DIAPH2: variants seen among roughly 807,000 people sequenced by gnomAD.
The protein encoded by DIAPH2 is protein diaphanous homolog 2.
In DIAPH2, 35 loss-of-function variants were observed where a neutral mutation model predicts 92.7. The observed-to-expected ratio is 0.38, with a 90% confidence interval of 0.29 to 0.50. DIAPH2 has a LOEUF of 0.50. Ranked by LOEUF, DIAPH2 falls within the 20% of genes least tolerant of loss-of-function variation. The pLI, the probability that DIAPH2 is intolerant of heterozygous loss-of-function variation, is 0.94. For missense variants in DIAPH2, 701 were observed against 819.5 expected, an observed-to-expected ratio of 0.86 and a Z score of 1.77; for synonymous variants, 301 against 280.4, an observed-to-expected ratio of 1.07 and a Z score of -0.73.
intron 5 of DIAPH2, among the ~76,000 whole-genome samples, chrX:96,883,432 G>A (rs901806941): frequency 9.3e-6 from 1 of 107,542 alleles, no homozygotes; most frequent in East Asian, 2.9e-4. Context: ...CGAGGCTGGA[G>A]TGCAGTGGTG....
intron 3 of DIAPH2, among the ~76,000 whole-genome samples, chrX:96,740,593 T>C (rs912459434): frequency 1.4e-4 from 16 of 112,059 alleles, no homozygotes; most frequent in African/African-American, 4.9e-4. Flanking sequence ...CATTCACTTC[T>C]AATTTCTTGC....
At chrX:96,716,108 A>C (rs2063948749) in intron 1 of DIAPH2, among the ~76,000 whole-genome samples, 1 of 111,249 alleles carries the variant, frequency 9.0e-6, no homozygotes, top group Non-Finnish European at 1.9e-5. Flanking sequence ...TTAATATAAT[A>C]AGTGCACAAC....
chrX:96,748,326 G>A (rs758478478), intron 3 of DIAPH2, among the ~76,000 whole-genome samples: 12 of 111,729 alleles, frequency 1.1e-4, no homozygotes, highest in South Asian at 3.8e-4. Context: ...TACCCTCAGA[G>A]AGCTCAGTGT....
intron 22 of DIAPH2, among the ~76,000 whole-genome samples, chrX:97,169,116 AT>A (rs1188145562): frequency 2.7e-5 from 2 of 75,419 alleles, no homozygotes; most frequent in African/African-American, 8.3e-5. Flanking sequence ...ATTATGTAGA[AT>A]AATAACGTCA....
rs957567769 is a variant in DIAPH2 at position 96,885,661 on chromosome X, T to C, written c.587+3943T>C. ...TGTGATTTGCTCTTATTACTATGAA[T>C]TTATGTTTTCTTAAAATAAGATTAT... On this transcript the variant is annotated intron_variant, in intron 5 of 26. Transcript: ENST00000324765. Among the ~76,000 whole-genome samples the C allele has an allele frequency of 3.6e-5, 4 of 110,865 alleles. No individual in the cohort carries two copies. In the Admixed American group the frequency reaches 3.9e-4, roughly 11 times the overall value.
intron 10 of DIAPH2, among the ~76,000 whole-genome samples, chrX:96,934,865 G>A (rs1303061385): frequency 9.0e-6 from 1 of 110,986 alleles, no homozygotes; most frequent in African/African-American, 3.3e-5. Context: ...TCAGATAAGC[G>A]AAGGAAAAAC....
In DIAPH2 at chrX:97,173,736, T is replaced by C. The variant is rs773070941; in HGVS notation, c.2719+31942T>C. On this transcript the variant is annotated intron_variant, in intron 22 of 26. Coordinates refer to ENST00000324765, the MANE Select transcript of DIAPH2 (RefSeq NM_006729.5). ...GCCTAGGCAACATGGCGAAATGCCA[T>C]ATCTACAGAAAAAATACAAAAATTA... is the stretch of plus-strand genomic sequence containing the variant. 1.3e-3 allele frequency among the ~76,000 whole-genome samples: 146 copies of C among 110,523 alleles called. 2 individuals are homozygous for C. Among genetic ancestry groups the C allele is most frequent in the Non-Finnish European group, 3.2e-4 (17 of 52,936 alleles).
chrX:97,253,470 G>A (rs886498824), intron 23 of DIAPH2, among the ~76,000 whole-genome samples: 12 of 110,200 alleles, frequency 1.1e-4, no homozygotes, highest in South Asian at 3.9e-4. Flanking sequence ...GTAGTAGGCC[G>A]GGCACAGTGG....
chrX:97,546,344 T>G (rs917759314), intron 26 of DIAPH2, among the ~76,000 whole-genome samples: 1 of 111,929 alleles, frequency 8.9e-6, no homozygotes, highest in African/African-American at 3.2e-5. Flanking sequence ...GCTACTCATG[T>G]CTTAGATTTA....
chrX:97,063,525 A>C (rs1051128800), intron 17 of DIAPH2, among the ~76,000 whole-genome samples: 8 of 111,977 alleles, frequency 7.1e-5, no homozygotes, highest in African/African-American at 2.6e-4. Context: ...ATTTTACATG[A>C]AAACGTATGT....
At chrX:97,588,092 A>C (rs1393191374) in intron 26 of DIAPH2, among the ~76,000 whole-genome samples, 7 of 112,070 alleles carry the variant, frequency 6.2e-5, no homozygotes. Context: ...TCAGAAGATT[A>C]GTATGGGCCA....
intron 17 of DIAPH2, among the ~76,000 whole-genome samples, chrX:97,037,593 T>A (rs1474026398): frequency 5.4e-5 from 6 of 112,057 alleles, no homozygotes; most frequent in African/African-American, 1.3e-4. Context: ...GTCCCAGCTT[T>A]GAACAAGTCA....
intron 25 of DIAPH2, among the ~76,000 whole-genome samples, chrX:97,403,535 C>G (rs904450675): frequency 8.9e-6 from 1 of 112,205 alleles, no homozygotes; most frequent in Admixed American, 9.5e-5. Context: ...TTTTTAGTCC[C>G]TAATGACTGA....
intron 26 of DIAPH2, among the ~76,000 whole-genome samples, chrX:97,480,355 A>C (rs1194071602): frequency 8.9e-6 from 1 of 111,788 alleles, no homozygotes; most frequent in East Asian, 2.8e-4. Context: ...GAACCTTCAA[A>C]AGAACCAACC....
At chrX:97,551,369 C>T (rs1187049346) in intron 26 of DIAPH2, among the ~76,000 whole-genome samples, 1 of 110,868 alleles carries the variant, frequency 9.0e-6, no homozygotes, top group African/African-American at 3.3e-5. Context: ...ACAGGTGGAT[C>T]ACCTGAGATG....
At chrX:96,690,004 G>C (rs1445745637) in intron 1 of DIAPH2, among the ~76,000 whole-genome samples, 2 of 106,710 alleles carry the variant, frequency 1.9e-5, no homozygotes, top group Non-Finnish European at 3.8e-5. Context: ...TTTTTTTAAA[G>C]TATATGTACT....
At chrX:96,777,273 GA>G (rs1442763409) in intron 4 of DIAPH2, among the ~76,000 whole-genome samples, 1 of 111,461 alleles carries the variant, frequency 9.0e-6, no homozygotes, top group African/African-American at 3.3e-5. Context: ...AAAACCTAAT[GA>G]AAAATGTTTA....
rs2066292515 is a variant in DIAPH2, at chrX:97,020,798, A to G, written c.2051-52143A>G. Among the ~76,000 whole-genome samples, 5 of 111,884 alleles carry G rather than the reference A, an allele frequency of 4.5e-5. No homozygotes were observed. The Admixed American group carries it at 4.7e-4, about 11-fold the overall frequency. On this transcript the variant is annotated intron_variant, in intron 17 of 26. Coordinates refer to ENST00000324765, the MANE Select transcript of DIAPH2 (RefSeq NM_006729.5). ...ATTGTATCATGTTACTCAGAGTGGT[A>G]CACAATTTAAAACTTATGAATTGTT...
intron 9 of DIAPH2, among the ~76,000 whole-genome samples, chrX:96,923,415 A>G (rs2065559492): frequency 8.9e-6 from 1 of 112,063 alleles, no homozygotes; most frequent in Admixed American, 9.5e-5. Context: ...TGTCCTTTGG[A>G]ATACAACTGA....
Sources: gnomAD v4.1 joint callset for allele counts (sites outside exome capture counted in the v4.1 genomes callset) on GRCh38, gnomAD v4.1.1 for gene constraint, MANE v1.5 for transcripts, NCBI Gene and HGNC (gene_info 2026-07-23, HGNC 2026-07-21) for gene names.